Variants in USH2A observed in about 807,000 individuals in gnomAD.
The protein encoded by USH2A is Usher syndrome 2A (autosomal recessive, mild).
USH2A carries 443 observed loss-of-function variants against 538.9 expected under a neutral mutation model. The ratio of observed to expected loss-of-function variants is 0.82; its 90% confidence interval spans 0.76 to 0.89. USH2A has a LOEUF of 0.89. Ranked by LOEUF, USH2A falls within the 40% of genes least tolerant of loss-of-function variation. The pLI, the probability that USH2A is intolerant of heterozygous loss-of-function variation, is 0.00. For missense variants in USH2A, 6,633 were observed against 6,324.8 expected (o/e 1.05, Z -1.65); for synonymous variants, 2,413 against 2,273.5 (o/e 1.06, Z -1.75).
intron 4 of USH2A, among the ~76,000 whole-genome samples, chr1:216,361,816 T>C (rs1351029624): frequency 6.6e-6 from 1 of 152,198 alleles, no homozygotes; most frequent in Non-Finnish European, 1.5e-5. Flanking sequence ...AAGCTAAAGA[T>C]ATAACTGCAT....
At chr1:215,985,166 C>T (rs1667843087) in intron 35 of USH2A, among the ~76,000 whole-genome samples, 1 of 152,094 alleles carries the variant, frequency 6.6e-6, no homozygotes, top group Non-Finnish European at 1.5e-5. Flanking sequence ...AATAGAATCA[C>T]ATTTTGACCA....
intron 49 of USH2A, among the ~76,000 whole-genome samples, chr1:215,801,977 C>A (rs1244897805): frequency 3.3e-5 from 5 of 150,070 alleles, no homozygotes; most frequent in Admixed American, 1.3e-4. Context: ...CATATATGGG[C>A]AAATGATTTT....
chr1:215,828,824 T>G (rs1159311832), intron 47 of USH2A, among the ~76,000 whole-genome samples: 1 of 152,176 alleles, frequency 6.6e-6, no homozygotes, highest in East Asian at 1.9e-4. Context: ...ATCTTTCTTG[T>G]TTGTGTTATT....
chr1:215,853,081 A>G (rs1558128196), intron 44 of USH2A, among the ~76,000 whole-genome samples: 1 of 152,226 alleles, frequency 6.6e-6, no homozygotes. Context: ...TGCTGCCCCA[A>G]CATAGGTTTT....
intron 21 of USH2A, among the ~76,000 whole-genome samples, chr1:216,160,364 A>G (rs1018894326): frequency 6.6e-6 from 1 of 152,158 alleles, no homozygotes; most frequent in Non-Finnish European, 1.5e-5. Flanking sequence ...TTAGATAAAA[A>G]TAATTTTTAA....
At chr1:215,630,581 G>A (rs1447952896) in intron 70 of USH2A, among the ~76,000 whole-genome samples, 2 of 147,490 alleles carry the variant, frequency 1.4e-5, no homozygotes, top group Non-Finnish European at 3.0e-5. Flanking sequence ...GGCCGGGTGC[G>A]GTGGCTCATG....
At chr1:216,088,248 A>G (rs1486559160) in intron 23 of USH2A, among the ~76,000 whole-genome samples, 3 of 152,040 alleles carry the variant, frequency 2.0e-5, no homozygotes, top group Non-Finnish European at 2.9e-5. Context: ...TTCTTAACAC[A>G]CACACGCACA....
chr1:216,264,858 T>C (rs538208686), intron 11 of USH2A, among the ~76,000 whole-genome samples: 2 of 152,100 alleles, frequency 1.3e-5, no homozygotes, highest in African/African-American at 4.8e-5. Context: ...AAACTGGCTA[T>C]CCATGTGCAA....
intron 49 of USH2A, among the ~76,000 whole-genome samples, chr1:215,807,272 CA>C (rs1435778597): frequency 6.6e-6 from 1 of 152,082 alleles, no homozygotes; most frequent in Admixed American, 6.6e-5. Context: ...CAATGAGACC[CA>C]TTTCAAACTT....
Position 215,680,210 on chromosome 1 carries a change from T to C in USH2A, c.12233A>G (p.Glu4078Gly). 6.2e-7 allele frequency: 1 copy of C among 1,614,184 alleles called. No individual in the cohort carries two copies. Among genetic ancestry groups the C allele is most frequent in the Non-Finnish European group, 8.5e-7 (1 of 1,180,020 alleles). Reference protein sequence around the residue: ...GLRNFIVEQKENGRALLLQWS... With the variant: ...GLRNFIVEQKGNGRALLLQWS... ...CTGTAGTAGCAATGCCCGGCCATTC[T>C]CTTTCTGTTCTACTATAAAGTTTCT... is the stretch of plus-strand genomic sequence containing the variant. Residue 4078 changes from glutamate (E) to glycine (G), a missense_variant, in exon 62 of 72, where the codon GAG becomes GGG. Transcript: ENST00000307340.
At chr1:215,779,326 AATG>A (rs1180542051) in intron 55 of USH2A, among the ~76,000 whole-genome samples, 1 of 152,176 alleles carries the variant, frequency 6.6e-6, no homozygotes, top group Non-Finnish European at 1.5e-5. Flanking sequence ...TATTAAGGCT[AATG>A]ATAATAAACA....
At chr1:216,050,617 T>TCTTTCTTTCTTTCTTTC (rs2030743428) in intron 30 of USH2A, among the ~76,000 whole-genome samples, 1 of 97,622 alleles carries the variant, frequency 1.0e-5, no homozygotes, top group African/African-American at 3.2e-5. Flanking sequence ...TTTTTTTTTT[T>TCTTTCTTTCTTTCTTTC]TTTTTGAGAC....
chr1:216,168,514 G>A (rs1353743612), intron 21 of USH2A, among the ~76,000 whole-genome samples: 4 of 152,044 alleles, frequency 2.6e-5, no homozygotes, highest in African/African-American at 9.7e-5. Flanking sequence ...CCTAACCTTG[G>A]GAAAAAATTT....
intron 49 of USH2A, among the ~76,000 whole-genome samples, chr1:215,811,681 G>T (rs973675677): frequency 6.6e-6 from 1 of 152,048 alleles, no homozygotes; most frequent in African/African-American, 2.4e-5. Context: ...GCCAAGGTGG[G>T]CAGACATTTG....
At chr1:215,767,628 A>G (rs1661170337) in intron 55 of USH2A, among the ~76,000 whole-genome samples, 1 of 152,254 alleles carries the variant, frequency 6.6e-6, no homozygotes, top group South Asian at 2.1e-4. Context: ...CATCTAAAAT[A>G]GAAGTTGTAT....
chr1:216,362,714 G>C (rs533342848), intron 4 of USH2A, among the ~76,000 whole-genome samples: 51 of 151,932 alleles, frequency 3.4e-4, no homozygotes, highest in African/African-American at 1.1e-3. Flanking sequence ...AGGCCAAGGT[G>C]GGTGGATCAC....
At chr1:216,414,895 C>T (rs746400260) in intron 3 of USH2A, among the ~76,000 whole-genome samples, 1 of 152,014 alleles carries the variant, frequency 6.6e-6, no homozygotes, top group Non-Finnish European at 1.5e-5. Context: ...AGTCCCTAAT[C>T]CCCAAATTAA....
At chr1:216,339,777 T>TGAAGCTAATGAGAGCAAA (rs2038040689) in intron 4 of USH2A, among the ~76,000 whole-genome samples, 1 of 151,912 alleles carries the variant, frequency 6.6e-6, no homozygotes, top group African/African-American at 2.4e-5. Context: ...AGAAGTTCTT[T>TGAAGCTAATGAGAGCAAA]GAAACTAATG....
chr1:215,851,014 C>T (rs1664002380), intron 44 of USH2A, among the ~76,000 whole-genome samples: 1 of 151,962 alleles, frequency 6.6e-6, no homozygotes, highest in Non-Finnish European at 1.5e-5. Flanking sequence ...GTGATACAAC[C>T]TATCAAAACT....
Sources: gnomAD v4.1 joint callset for allele counts (sites outside exome capture counted in the v4.1 genomes callset) on GRCh38, gnomAD v4.1.1 for gene constraint, MANE v1.5 for transcripts, NCBI Gene and HGNC (gene_info 2026-07-23, HGNC 2026-07-21) for gene names.